DLG2: variants seen among roughly 807,000 people sequenced by gnomAD.
DLG2 encodes discs large MAGUK scaffold protein 2.
Under a neutral mutation model 132.5 loss-of-function variants are expected in DLG2, and 45 were observed. The observed-to-expected ratio is 0.34, with a 90% CI of 0.27 to 0.44. The LOEUF is 0.44. DLG2 is among the 20% of genes least tolerant of loss of function. DLG2 has a pLI of 1.00. For missense variants in DLG2, 1,045 were observed against 1,196.9 expected, an observed-to-expected ratio of 0.87 and a Z score of 1.87; for synonymous variants, 424 against 419.6, an observed-to-expected ratio of 1.01 and a Z score of -0.13.
intron 18 of DLG2, among the ~76,000 whole-genome samples, chr11:83,723,101 C>T (rs536448323): frequency 1.3e-5 from 2 of 152,256 alleles, no homozygotes; most frequent in African/African-American, 4.8e-5. Flanking sequence ...AACAAAACGG[C>T]CAGGGGTGGT....
intron 3 of DLG2, among the ~76,000 whole-genome samples, chr11:85,464,997 C>A (rs1297792809): frequency 7.4e-6 from 1 of 135,758 alleles, no homozygotes; most frequent in Non-Finnish European, 1.5e-5. Flanking sequence ...TCACTTGAAC[C>A]TAGGAGGTGG....
chr11:84,669,459 G>A (rs761790858), intron 6 of DLG2, among the ~76,000 whole-genome samples: 9 of 152,052 alleles, frequency 5.9e-5, no homozygotes, highest in Admixed American at 3.9e-4. Context: ...CAAAGTGAAC[G>A]CACTACTATC....
chr11:84,951,186 C>T (rs75936149), intron 6 of DLG2, among the ~76,000 whole-genome samples: 3,065 of 152,230 alleles, frequency 0.02, 55 homozygotes, highest in Admixed American at 0.043. Flanking sequence ...AGTACCCATA[C>T]CATTTAGAAT....
intron 15 of DLG2, among the ~76,000 whole-genome samples, chr11:83,921,893 T>C (rs112881077): frequency 6.6e-6 from 1 of 152,136 alleles, no homozygotes; most frequent in African/African-American, 2.4e-5. Context: ...GATTGCTTTA[T>C]CACGGAGTTA....
intron 6 of DLG2, among the ~76,000 whole-genome samples, chr11:84,894,794 T>C (rs1305841154): frequency 6.6e-6 from 1 of 152,126 alleles, no homozygotes; most frequent in Non-Finnish European, 1.5e-5. Flanking sequence ...TTAAGTTACA[T>C]GCTCAGAGAT....
At chr11:83,782,817 G>T (rs2094888517) in intron 18 of DLG2, among the ~76,000 whole-genome samples, 1 of 152,120 alleles carries the variant, frequency 6.6e-6, no homozygotes, top group South Asian at 2.1e-4. Context: ...CTCTTAGAAA[G>T]ATAATTCTGA....
At chr11:85,429,163 G>A (rs2090989856) in intron 3 of DLG2, among the ~76,000 whole-genome samples, 1 of 152,100 alleles carries the variant, frequency 6.6e-6, no homozygotes, top group South Asian at 2.1e-4. Flanking sequence ...AGAAGTCCAG[G>A]ACCAGATGGA....
At chr11:83,947,893 A>G (rs2084456166) in intron 14 of DLG2, among the ~76,000 whole-genome samples, 1 of 152,154 alleles carries the variant, frequency 6.6e-6, no homozygotes, top group Non-Finnish European at 1.5e-5. Context: ...AAATCATGGA[A>G]TCTATCATCT....
At chr11:85,053,131 G>A (rs2063066670) in intron 6 of DLG2, among the ~76,000 whole-genome samples, 1 of 152,120 alleles carries the variant, frequency 6.6e-6, no homozygotes, top group African/African-American at 2.4e-5. Flanking sequence ...CTATAAGGAA[G>A]GCACTTCACC....
At position 84,760,700 on chromosome 11, in the gene DLG2, G is replaced by A. The variant is rs74687955; in HGVS notation, c.358-225969C>T. On this transcript the variant is annotated intron_variant, in intron 6 of 27. Coordinates refer to ENST00000376104, the MANE Select transcript of DLG2 (RefSeq NM_001142699.3). ...ATTTGGGTTACAGGGACAATAACTT[G>A]TTTTTCTCTGCAGTCCTGTATATAC... is the stretch of plus-strand genomic sequence containing the variant. Among the ~76,000 whole-genome samples the A allele has an allele frequency of 7.8e-3, 1,188 of 152,230 alleles. 17 individuals carry two copies. The highest frequency in any genetic ancestry group is 0.026 in the African/African-American group (1,081 of 41,532).
chr11:84,538,642 A>G (rs1299273546), intron 6 of DLG2, among the ~76,000 whole-genome samples: 1 of 151,688 alleles, frequency 6.6e-6, no homozygotes, highest in African/African-American at 2.4e-5. Flanking sequence ...TCATGCACAC[A>G]TGAAATCTCA....
At chr11:85,172,977 T>C (rs72945921) in intron 4 of DLG2, among the ~76,000 whole-genome samples, 14,842 of 152,052 alleles carry the variant, frequency 0.098, 989 homozygotes, top group African/African-American at 0.19. Flanking sequence ...TTACGTAAAG[T>C]GACCAAACCT....
intron 4 of DLG2, among the ~76,000 whole-genome samples, chr11:85,281,200 GC>G (rs1164729060): frequency 6.6e-6 from 1 of 152,010 alleles, no homozygotes; most frequent in Non-Finnish European, 1.5e-5. Context: ...ATCTTCCCAA[GC>G]TGAATGCAAA....
At chr11:83,810,861 G>A (rs889153949) in intron 17 of DLG2, among the ~76,000 whole-genome samples, 1 of 151,992 alleles carries the variant, frequency 6.6e-6, no homozygotes, top group Non-Finnish European at 1.5e-5. Flanking sequence ...CTGTTCTTGA[G>A]GAGCTCAGTA....
At chr11:83,684,875 T>C (rs1467139899) in intron 18 of DLG2, among the ~76,000 whole-genome samples, 3 of 152,148 alleles carry the variant, frequency 2.0e-5, no homozygotes, top group African/African-American at 7.2e-5. Flanking sequence ...GTAGCATTTC[T>C]CTGTTCCCCT....
intron 3 of DLG2, among the ~76,000 whole-genome samples, chr11:85,486,311 C>T (rs186960164): frequency 6.6e-6 from 1 of 152,242 alleles, no homozygotes; most frequent in East Asian, 1.9e-4. Flanking sequence ...GCCCACAATG[C>T]TCTAACTGAG....
chr11:84,831,222 G>C (rs1470662824), intron 6 of DLG2, among the ~76,000 whole-genome samples: 2 of 151,432 alleles, frequency 1.3e-5, no homozygotes, highest in Non-Finnish European at 3.0e-5. Context: ...AGACAGTTTA[G>C]GTCATTTAAA....
intron 6 of DLG2, among the ~76,000 whole-genome samples, chr11:84,631,186 A>C (rs2099631482): frequency 6.6e-6 from 1 of 152,030 alleles, no homozygotes; most frequent in Non-Finnish European, 1.5e-5. Flanking sequence ...TCACTAGATT[A>C]TGTGTGCTCC....
At chr11:84,661,099 C>T (rs373844879) in intron 6 of DLG2, among the ~76,000 whole-genome samples, 3 of 152,122 alleles carry the variant, frequency 2.0e-5, no homozygotes, top group Admixed American at 1.3e-4. Flanking sequence ...ACCATATACG[C>T]CCCCTCTCTC....
Sources: gnomAD v4.1 joint callset for allele counts (sites outside exome capture counted in the v4.1 genomes callset) on GRCh38, gnomAD v4.1.1 for gene constraint, MANE v1.5 for transcripts, NCBI Gene and HGNC (gene_info 2026-07-23, HGNC 2026-07-21) for gene names.